Variants in PLG observed in about 807,000 individuals in gnomAD.
PLG encodes the protein plasminogen.
Under a neutral mutation model 104.4 loss-of-function variants are expected in PLG, and 41 were observed. That is an observed-to-expected ratio of 0.39 (90% CI 0.31 to 0.51). The LOEUF is 0.51. PLG is among the 20% of genes least tolerant of loss of function. The pLI is 0.76. For synonymous variants in PLG, 337 were observed against 357.1 expected, an observed-to-expected ratio of 0.94 and a Z score of 0.63; for missense variants, 891 against 1,003.6, an observed-to-expected ratio of 0.89 and a Z score of 1.52.
chr6:160,722,431 G>T lies in PLG; in HGVS notation c.1120G>T (p.Val374Phe), dbSNP rs121918028. The T allele has an allele frequency of 2.0e-5, 32 of 1,612,600 alleles. No homozygotes were observed. The East Asian group carries it at 6.9e-4, about 35-fold the overall frequency. The change falls in exon 10 of 19, where the codon GTC becomes TTC. Residue 374 changes from valine (V) to phenylalanine (F), a missense_variant. By Grantham distance (50) the Val-to-Phe change is conservative. Coordinates refer to ENST00000308192, the MANE Select transcript of PLG (RefSeq NM_000301.5). ...PTAPPELTPV[V>F]QDCYHGDGQS... is the part of the protein sequence containing the mutation. ...AGCACCACCTGAGCTAACCCCTGTG[G>T]TCCAGGACTGCTACCATGGTGATGG...
Position 160,738,904 on chromosome 6 carries a change from T to G in PLG, c.1878-164T>G, listed in dbSNP as rs551965705. Among the ~76,000 whole-genome samples the G allele has an allele frequency of 2.0e-4, 31 of 152,252 alleles. No homozygotes were observed. The highest frequency in any genetic ancestry group is 6.8e-3 in the Middle Eastern group (2 of 292). On this transcript the variant is annotated intron_variant, in intron 15 of 18. Transcript: ENST00000308192. The surrounding 1 kb of genome is among the most constrained non-coding windows in gnomAD (Gnocchi z 6.8). ...GCCCAAACAGCCCAAGAACATTCCT[T>G]AACTGCCTGTTTCAAGCAAATCATG...
In PLG at chr6:160,736,157, T is replaced by C. The variant is rs1443414679; in HGVS notation, c.1682-730T>C. Among the ~76,000 whole-genome samples, 1 of 152,206 alleles carries C rather than the reference T, an allele frequency of 6.6e-6. No homozygotes were observed. Among genetic ancestry groups the C allele is most frequent in the Non-Finnish European group, 1.5e-5 (1 of 68,034 alleles). On this transcript the variant is annotated intron_variant, in intron 13 of 18. Transcript: ENST00000308192. The surrounding 1 kb of genome is among the most constrained non-coding windows in gnomAD (Gnocchi z 5.2). ...TGCAGCCCCTGCACTGTTGTAGGCATTGGTGGATGGTACCAAAGATGGGAC... is the reference window on the plus strand; with the variant it reads ...TGCAGCCCCTGCACTGTTGTAGGCACTGGTGGATGGTACCAAAGATGGGAC...
At chr6:160,730,817 A>G (rs1442595156) in intron 10 of PLG, 1 of 437,022 alleles carries the variant, frequency 2.3e-6, no homozygotes, top group African/African-American at 2.0e-5. Context: ...GAGTTTTTAT[A>G]TGGAGCATAT....
chr6:160,746,336 T>C (rs1778277558), intron 17 of PLG, among the ~76,000 whole-genome samples: 1 of 152,234 alleles, frequency 6.6e-6, no homozygotes, highest in South Asian at 2.1e-4. Flanking sequence ...TTCATTCTTT[T>C]TTCTTAATTT....
intron 10 of PLG, among the ~76,000 whole-genome samples, chr6:160,729,896 C>G (rs552621146): frequency 6.6e-6 from 1 of 152,242 alleles, no homozygotes; most frequent in Admixed American, 6.5e-5. Flanking sequence ...TATACCTCAA[C>G]TGAAGAGAGT....
chr6:160,716,935 T>C lies in PLG; in HGVS notation c.787+172T>C, dbSNP rs370004376. ...GTTTAAAACAGTTATGGTTATTGGT[T>C]ACTGTGGGTGATTGATCAGAGCGTC... On this transcript the variant is annotated intron_variant, in intron 7 of 18. Coordinates refer to ENST00000308192, the MANE Select transcript of PLG (RefSeq NM_000301.5). Among the ~76,000 whole-genome samples the C allele has an allele frequency of 4.1e-4, 63 of 152,372 alleles. 1 individual carries two copies. The highest frequency in any genetic ancestry group is 2.7e-3 in the East Asian group (14 of 5,194).
chr6:160,731,967 A>G lies in PLG; in HGVS notation c.1587+74A>G, dbSNP rs1037317307. On this transcript the variant is annotated intron_variant, in intron 12 of 18. Transcript: ENST00000308192. The surrounding 1 kb of genome is among the most constrained non-coding windows in gnomAD (Gnocchi z 5.1). ...GCAAACAGAATTGGTTCTGTGTTAC[A>G]GAAAATCTGACCTGGACTGCTCTTT... 5 of 1,491,234 alleles carry G rather than the reference A, an allele frequency of 3.4e-6. No homozygotes were observed. The highest frequency in any genetic ancestry group is 1.4e-5 in the African/African-American group (1 of 72,642). The allele number at this position is 1,491,234 out of a possible 1,614,324, so 92.4% of individuals were successfully genotyped here.
chr6:160,728,858 C>G (rs1271910308), intron 10 of PLG, among the ~76,000 whole-genome samples: 1 of 152,026 alleles, frequency 6.6e-6, no homozygotes, highest in Non-Finnish European at 1.5e-5. Context: ...AAATTTTTTT[C>G]AGGCAGGACC....
chr6:160,718,957 C>A, intron 9 of PLG, 119 bp downstream of exon 9: 1 of 900,102 alleles, frequency 1.1e-6, no homozygotes. Context: ...GGTCAGAAAG[C>A]CTGCCCTTAT....
chr6:160,720,421 T>C (rs1264991241), intron 9 of PLG, among the ~76,000 whole-genome samples: 61 of 113,654 alleles, frequency 5.4e-4, no homozygotes, highest in Admixed American at 3.3e-3. Flanking sequence ...TTTTTTTTTT[T>C]TTTTTTTTTT....
rs1033971590 is a variant in PLG, at chr6:160,725,531, A to G, written c.1256+2964A>G. Among the ~76,000 whole-genome samples the G allele has an allele frequency of 2.0e-5, 3 of 152,138 alleles. No homozygotes were observed. Among genetic ancestry groups the G allele is most frequent in the Non-Finnish European group, 4.4e-5 (3 of 68,004 alleles). ...TCCAAAAGAAGGAAAGAAAGGAAGAAAAAAGAATGAAGAAGATATGGCAAA... is the reference window on the plus strand; with the variant it reads ...TCCAAAAGAAGGAAAGAAAGGAAGAGAAAAGAATGAAGAAGATATGGCAAA... On this transcript the variant is annotated intron_variant, in intron 10 of 18. Coordinates refer to ENST00000308192, the MANE Select transcript of PLG (RefSeq NM_000301.5). This position sits in a 1 kb window ranked among gnomAD's most constrained non-coding sequence, Gnocchi z 6.3.
At position 160,753,182 on chromosome 6, in the gene PLG, C is replaced by A. The variant is rs41267833; in HGVS notation, c.*121C>A. Reference sequence around the variant, plus strand: ...AGACACTGTCCCCAGCTACCAGCTACGCCAAACCTCGGCATTTTTTGTGTT... The same window carrying A: ...AGACACTGTCCCCAGCTACCAGCTAAGCCAAACCTCGGCATTTTTTGTGTT... On this transcript the variant is annotated 3_prime_UTR_variant, in exon 19 of 19. Transcript: ENST00000308192. This position sits in a 1 kb window ranked among gnomAD's most constrained non-coding sequence, Gnocchi z 5.4. 4 of 666,132 alleles carry A rather than the reference C, an allele frequency of 6.0e-6. No individual in the cohort carries two copies. In the East Asian group the frequency reaches 8.2e-5, roughly 14 times the overall value. The allele number at this position is 666,132 out of a possible 1,614,324, so 41.3% of individuals were successfully genotyped here. A position where few individuals can be genotyped will look rare whatever the true frequency, so the allele number is the denominator to read the frequency against.
At position 160,752,941 on chromosome 6, in the gene PLG, A is replaced by G. The variant is rs1188628258; in HGVS notation, c.2313A>G (p.Lys771=). ...CTCTGGTTTGCTTCGAGAAGGACAA[A>G]TACATTTTACAAGGAGTCACTTCTT... The part of the protein sequence containing the change: ...GGPLVCFEKD[K]YILQGVTSWG... Residue 771 remains lysine, a synonymous_variant, in exon 19 of 19, where the codon AAA becomes AAG. Coordinates refer to ENST00000308192, the MANE Select transcript of PLG (RefSeq NM_000301.5). The surrounding 1 kb of genome is among the most constrained non-coding windows in gnomAD (Gnocchi z 4.7). The G allele has an allele frequency of 6.2e-7, 1 of 1,613,594 alleles. No homozygotes were observed.
chr6:160,712,916 C>A, intron 4 of PLG, 70 bp from the exon 5 acceptor site: 1 of 1,141,314 alleles, frequency 8.8e-7, no homozygotes, highest in South Asian at 1.2e-5. Context: ...GAGAGCATCT[C>A]CTTCTGCCTT....
chr6:160,714,846 C>T lies in PLG; in HGVS notation c.600C>T (p.Thr200=), dbSNP rs766015667. 6.2e-6 allele frequency: 10 copies of T among 1,612,410 alleles called. No homozygotes were observed. Among genetic ancestry groups the T allele is most frequent in the Admixed American group, 1.7e-5 (1 of 60,018 alleles). ...GENYDGKISK[T]MSGLECQAWD... is the part of the protein sequence containing the mutation. ...ACTATGACGGCAAAATTTCCAAGAC[C>T]ATGTCTGGACTGGAATGCCAGGCCT... Residue 200 remains threonine, a synonymous_variant, in exon 6 of 19, where the codon ACC becomes ACT. Coordinates refer to ENST00000308192, the MANE Select transcript of PLG (RefSeq NM_000301.5).
intron 4 of PLG, 112 bp from the exon 5 acceptor site, chr6:160,712,874 A>G: frequency 1.2e-6 from 1 of 833,162 alleles, no homozygotes; most frequent in South Asian, 1.4e-5. Flanking sequence ...CCCAGCTGAA[A>G]TGCATTTGGA....
rs1778131728 is a variant in PLG at position 160,738,669 on chromosome 6, C to A, written c.1877+57C>A. On this transcript the variant is annotated intron_variant, in intron 15 of 18. Coordinates refer to ENST00000308192, the MANE Select transcript of PLG (RefSeq NM_000301.5). This position sits in a 1 kb window ranked among gnomAD's most constrained non-coding sequence, Gnocchi z 6.8. ...TGTCTTAAATACTTTTTCTGTCCTT[C>A]TTTTCCTCCTTTCCTCCTTTCCTTT... 2 of 1,116,270 alleles carry A rather than the reference C, an allele frequency of 1.8e-6. No homozygotes were observed. Among genetic ancestry groups the A allele is most frequent in the African/African-American group, 3.1e-5 (2 of 65,236 alleles). The allele number at this position is 1,116,270 out of a possible 1,614,324, so 69.1% of individuals were successfully genotyped here.
chr6:160,740,676 G>A lies in PLG; in HGVS notation c.2019-635G>A, dbSNP rs1190052558. On this transcript the variant is annotated intron_variant, in intron 16 of 18. Coordinates refer to ENST00000308192, the MANE Select transcript of PLG (RefSeq NM_000301.5). This position sits in a 1 kb window ranked among gnomAD's most constrained non-coding sequence, Gnocchi z 5.2. Reference sequence around the variant, plus strand: ...TCTTGAACTTACTAAAGTAGAATCAGGTCTAAAAACCGGAGTTCTAATGTT... The same window carrying A: ...TCTTGAACTTACTAAAGTAGAATCAAGTCTAAAAACCGGAGTTCTAATGTT... Among the ~76,000 whole-genome samples, 1 of 152,148 alleles carries A rather than the reference G, an allele frequency of 6.6e-6. No individual in the cohort carries two copies. Among genetic ancestry groups the A allele is most frequent in the Non-Finnish European group, 1.5e-5 (1 of 68,038 alleles).
chr6:160,714,456 G>T (rs995816669), intron 5 of PLG, among the ~76,000 whole-genome samples: 9 of 145,978 alleles, frequency 6.2e-5, no homozygotes, highest in Admixed American at 5.5e-4. Flanking sequence ...GTAGACTCCT[G>T]GGAATATATG....
Sources: gnomAD v4.1 joint callset for allele counts (sites outside exome capture counted in the v4.1 genomes callset) on GRCh38, gnomAD v4.1.1 for gene constraint, Gnocchi (gnomAD v3.1) non-coding constraint, MANE v1.5 for transcripts, NCBI Gene and HGNC (gene_info 2026-07-23, HGNC 2026-07-21) for gene names.